Variants in CCDC141 observed in about 807,000 individuals in gnomAD.
The protein encoded by CCDC141 is coiled-coil domain-containing protein 141.
In CCDC141, 168 loss-of-function variants were observed where a neutral mutation model predicts 181.0. The ratio of observed to expected loss-of-function variants is 0.93; its 90% CI spans 0.82 to 1.05. CCDC141 has a LOEUF of 1.05. CCDC141 is among the 50% of genes least tolerant of loss of function. The pLI, the probability that CCDC141 is intolerant of heterozygous loss-of-function variation, is 0.00. For missense variants in CCDC141, 1,902 were observed against 1,788.5 expected, an observed-to-expected ratio of 1.06 and a Z score of -1.14; for synonymous variants, 666 against 642.3, an observed-to-expected ratio of 1.04 and a Z score of -0.56.
intron 2 of CCDC141, among the ~76,000 whole-genome samples, chr2:179,033,232 AG>A (rs1222214220): frequency 5.4e-5 from 8 of 149,078 alleles, no homozygotes; most frequent in Non-Finnish European, 1.2e-4. Flanking sequence ...ATATTCAGAA[AG>A]AAATAACATA....
intron 22 of CCDC141, among the ~76,000 whole-genome samples, chr2:178,839,541 T>C (rs1684631790): frequency 7.5e-6 from 1 of 133,684 alleles, no homozygotes; most frequent in Non-Finnish European, 1.5e-5. Flanking sequence ...GATCGTGCCA[T>C]TGTACCCCAG....
intron 12 of CCDC141, chr2:178,873,550 T>TG (rs1686215016): frequency 1.3e-5 from 2 of 152,206 alleles, no homozygotes; most frequent in South Asian, 4.1e-4. Context: ...AACTGCAGCA[T>TG]GCCAATGACA....
At chr2:178,926,943 A>G (rs1688930826) in intron 6 of CCDC141, among the ~76,000 whole-genome samples, 3 of 152,208 alleles carry the variant, frequency 2.0e-5, no homozygotes, top group African/African-American at 7.2e-5. Flanking sequence ...AAAAAAGCTA[A>G]GAAAAGGTAA....
rs1309652462 is a variant in CCDC141 at position 178,869,122 on chromosome 2, C to A, written c.2389G>T (p.Glu797Ter). The A allele has an allele frequency of 1.3e-6, 2 of 1,577,360 alleles. No individual in the cohort carries two copies. ...YKVVQFHQVKEELGRLIKSRE... is the reference protein window; with the variant it reads ...YKVVQFHQVK ...ACATCCCTTCTAAGCCTTACCTCTT[C>A]CTTGACTTGATGGAACTGGACCACC... Residue 797 changes from glutamate to a stop codon, truncating the protein, a stop_gained, in exon 15 of 24, where the codon GAA becomes TAA. Transcript: ENST00000443758. LOFTEE classifies it high-confidence loss of function.
chr2:179,007,633 CAAAT>C (rs2042152597), intron 2 of CCDC141, among the ~76,000 whole-genome samples: 1 of 152,008 alleles, frequency 6.6e-6, no homozygotes, highest in African/African-American at 2.4e-5. Flanking sequence ...GGGTCAGAAA[CAAAT>C]AATTTTTTTA....
intron 5 of CCDC141, among the ~76,000 whole-genome samples, chr2:178,958,719 TTG>T (rs1467074816): frequency 2.0e-5 from 3 of 152,130 alleles, no homozygotes; most frequent in Non-Finnish European, 4.4e-5. Flanking sequence ...CCCCTTTTTT[TTG>T]TTTTTTTTAC....
chr2:178,890,518 A>G (rs1020267259), intron 8 of CCDC141, among the ~76,000 whole-genome samples: 2 of 152,136 alleles, frequency 1.3e-5, no homozygotes, highest in African/African-American at 2.4e-5. Context: ...GGCCTTCTCC[A>G]AAGAATAAGA....
At chr2:178,921,862 C>A (rs1483386207) in intron 6 of CCDC141, among the ~76,000 whole-genome samples, 3 of 152,168 alleles carry the variant, frequency 2.0e-5, no homozygotes, top group Non-Finnish European at 2.9e-5. Flanking sequence ...TTTGTACCAT[C>A]CTTTCTTCTT....
chr2:179,049,891 A>G lies in CCDC141; in HGVS notation c.51T>C (p.Ser17=), dbSNP rs908433934. ...AGTCCCCAGCCTGCACAGCAACTGA[A>G]CTGACTGTCGTCGTAGAAAGCGCAA... ...PSVALSTTTV[S]SVAVQAGDSK... is the part of the protein sequence containing the mutation. Residue 17 remains serine, a synonymous_variant, in exon 1 of 24, where the codon AGT becomes AGC. Transcript: ENST00000443758. 3.9e-6 allele frequency: 6 copies of G among 1,550,674 alleles called. No homozygotes were observed. In the African/African-American group the frequency reaches 6.8e-5, roughly 18 times the overall value.
chr2:178,975,977 T>A (rs1691104592), intron 3 of CCDC141, among the ~76,000 whole-genome samples: 1 of 152,196 alleles, frequency 6.6e-6, no homozygotes, highest in Admixed American at 6.5e-5. Context: ...GGAAAATGCA[T>A]AGTAATTTCA....
chr2:179,015,067 G>GATAGATATAT (rs2042390132), intron 2 of CCDC141, among the ~76,000 whole-genome samples: 1 of 39,594 alleles, frequency 2.5e-5, no homozygotes, highest in African/African-American at 6.5e-5. Context: ...GAGAGACAGA[G>GATAGATATAT]ATATATATAT....
chr2:178,942,181 C>T (rs1219354844), intron 6 of CCDC141, among the ~76,000 whole-genome samples: 2 of 152,032 alleles, frequency 1.3e-5, no homozygotes, highest in African/African-American at 2.4e-5. Flanking sequence ...TCTGGAACCT[C>T]CCAGGCTCAA....
downstream of CCDC141, among the ~76,000 whole-genome samples, chr2:178,827,734 C>G (rs1429279592): frequency 6.6e-6 from 1 of 152,080 alleles, no homozygotes; most frequent in Non-Finnish European, 1.5e-5. Flanking sequence ...AATTTTATTA[C>G]CAGAGACTTG....
In CCDC141 at chr2:179,031,563, A is replaced by G. The variant is rs2043001174; in HGVS notation, c.225+15721T>C. Among the ~76,000 whole-genome samples, 4 of 152,022 alleles carry G rather than the reference A, an allele frequency of 2.6e-5. No homozygotes were observed. In the South Asian group the frequency reaches 8.3e-4, roughly 32 times the overall value. On this transcript the variant is annotated intron_variant, in intron 2 of 23. Coordinates refer to ENST00000443758, the MANE Select transcript of CCDC141 (RefSeq NM_173648.4). ...TTACTCTTATTTTTCTAGTTCCTTA[A>G]GGGAAAAGCTTAGATCATCAATTTG...
chr2:179,031,331 G>C (rs1048341440), intron 2 of CCDC141, among the ~76,000 whole-genome samples: 3 of 151,440 alleles, frequency 2.0e-5, no homozygotes, highest in Non-Finnish European at 2.9e-5. Flanking sequence ...TTTAATATCT[G>C]TGGGGTTTAT....
chr2:178,875,527 T>A (rs950504010), intron 12 of CCDC141: 1 of 151,286 alleles, frequency 6.6e-6, no homozygotes, highest in African/African-American at 2.4e-5. Flanking sequence ...ATCGCACCAC[T>A]GCACTCCAGT....
chr2:178,881,696 C>G (rs1686615447), intron 11 of CCDC141, among the ~76,000 whole-genome samples: 1 of 151,874 alleles, frequency 6.6e-6, no homozygotes, highest in South Asian at 2.1e-4. Flanking sequence ...AAATTTGAGC[C>G]TGGGCATCAT....
At chr2:179,049,463 A>T (rs963570610) in intron 1 of CCDC141, among the ~76,000 whole-genome samples, 1 of 152,074 alleles carries the variant, frequency 6.6e-6, no homozygotes, top group African/African-American at 2.4e-5. Flanking sequence ...AATCACAAGC[A>T]TTCCACAGGT....
intron 1 of CCDC141, among the ~76,000 whole-genome samples, chr2:179,048,151 A>G (rs559752482): frequency 3.9e-5 from 6 of 152,346 alleles, no homozygotes; most frequent in African/African-American, 1.4e-4. Context: ...ATTAAGCAAA[A>G]TGAACCACTA....
Sources: gnomAD v4.1 joint callset for allele counts (sites outside exome capture counted in the v4.1 genomes callset) on GRCh38, gnomAD v4.1.1 for gene constraint, MANE v1.5 for transcripts, NCBI Gene and HGNC (gene_info 2026-07-23, HGNC 2026-07-21) for gene names.